The following ITSN2 variants were observed in gnomAD, a reference collection of about 807,000 sequenced individuals.
ITSN2 encodes the protein intersectin 2.
A neutral mutation model predicts 243.7 loss-of-function variants in ITSN2; 156 were observed. The observed-to-expected ratio is 0.64, with a 90% CI of 0.56 to 0.73. ITSN2 has a LOEUF of 0.73. ITSN2 is among the 30% of genes least tolerant of loss of function. The pLI, the probability that ITSN2 is intolerant of heterozygous loss-of-function variation, is 0.00. For missense variants in ITSN2, 1,801 were observed against 1,996.1 expected (o/e 0.90, Z 1.86); for synonymous variants, 703 against 699.9 (o/e 1.00, Z -0.07).
intron 18 of ITSN2, among the ~76,000 whole-genome samples, chr2:24,273,314 G>A (rs184688407): frequency 2.0e-5 from 3 of 152,138 alleles, no homozygotes; most frequent in South Asian, 2.1e-4. Context: ...CTTTCAAAAC[G>A]GACTTCTGGT....
Position 24,293,792 on chromosome 2 carries a change from A to G in ITSN2, c.1636-17T>C. 4.2e-6 allele frequency: 3 copies of G among 720,318 alleles called. No individual in the cohort carries two copies. The highest frequency in any genetic ancestry group is 7.0e-6 in the Non-Finnish European group (3 of 426,302). 44.6% of individuals were successfully genotyped at this position (720,318 alleles called of 1,614,324 possible). A position where few individuals can be genotyped will look rare whatever the true frequency, so the allele number is the denominator to read the frequency against. On this transcript the variant is annotated splice_polypyrimidine_tract_variant and intron_variant, in intron 14 of 39. Transcript: ENST00000355123. ...CTGATATTCCTTATAAAAAGAAAAA[A>G]TAGTACCTGATTACAATGTTATAAT... is the stretch of plus-strand genomic sequence containing the variant.
intron 29 of ITSN2, among the ~76,000 whole-genome samples, chr2:24,244,562 C>T (rs1181035193): frequency 2.0e-5 from 3 of 152,166 alleles, no homozygotes; most frequent in Non-Finnish European, 4.4e-5. Context: ...GATCACTAGC[C>T]AAAGATCTTC....
intron 37 of ITSN2, 60 bp downstream of exon 37, chr2:24,208,177 A>T: frequency 7.4e-7 from 1 of 1,345,394 alleles, no homozygotes; most frequent in Non-Finnish European, 1.1e-6. Flanking sequence ...CTGCAGGAGC[A>T]GTGGCCGGCA....
intron 15 of ITSN2, chr2:24,293,135 C>T (rs1247761196): frequency 6.6e-6 from 1 of 152,176 alleles, no homozygotes; most frequent in African/African-American, 2.4e-5. Flanking sequence ...AAAACAGTTA[C>T]TATCCCATAA....
At chr2:24,284,905 T>C in intron 16 of ITSN2, 62 bp from the exon 17 acceptor site, 1 of 967,776 alleles carries the variant, frequency 1.0e-6, no homozygotes. Flanking sequence ...TTTTTTTTTT[T>C]TTTTTTTTTT....
In ITSN2 at chr2:24,204,995, G is replaced by A. The variant is rs3731626; in HGVS notation, c.4762+219C>T. Among the ~76,000 whole-genome samples the A allele has an allele frequency of 0.21, 32,598 of 151,762 alleles. 3,874 individuals carry two copies. The highest frequency in any genetic ancestry group is 0.27 in the Non-Finnish European group (18,654 of 67,870). On this transcript the variant is annotated intron_variant, in intron 38 of 39. Transcript: ENST00000355123. The surrounding 1 kb of genome is among the most constrained non-coding windows in gnomAD (Gnocchi z 5.1). ...AACCCTGTGTCTACTAAAAATACAA[G>A]AATTTGCCAGGCGTGGTGGTGCACA...
Position 24,334,613 on chromosome 2 carries a change from T to G in ITSN2, c.-33-6498A>C, listed in dbSNP as rs887934752. On this transcript the variant is annotated intron_variant, in intron 1 of 39. Transcript: ENST00000355123. ...ACAAGAAGGGCAAGAATTCTCTGTATGCCCAGGGAAAGTGGTGTTATACAG... is the reference window on the plus strand; with the variant it reads ...ACAAGAAGGGCAAGAATTCTCTGTAGGCCCAGGGAAAGTGGTGTTATACAG... 5 of 1,135,174 alleles carry G rather than the reference T, an allele frequency of 4.4e-6. No homozygotes were observed. In the African/African-American group the frequency reaches 7.6e-5, roughly 17 times the overall value. The allele number at this position is 1,135,174 out of a possible 1,614,324, so 70.3% of individuals were successfully genotyped here.
intron 29 of ITSN2, among the ~76,000 whole-genome samples, chr2:24,238,668 C>T (rs1366321673): frequency 1.3e-5 from 2 of 152,076 alleles, no homozygotes; most frequent in African/African-American, 4.8e-5. Context: ...TTATGTTTTC[C>T]TTACTTTTGT....
In ITSN2 at chr2:24,246,778, A is replaced by C. The variant is rs1473619432; in HGVS notation, c.3385+19T>G. 2 of 1,455,920 alleles carry C rather than the reference A, an allele frequency of 1.4e-6. No individual in the cohort carries two copies. The highest frequency in any genetic ancestry group is 1.9e-6 in the Non-Finnish European group (2 of 1,047,350). The allele number at this position is 1,455,920 out of a possible 1,614,324, so 90.2% of individuals were successfully genotyped here. Reference sequence around the variant, plus strand: ...ACAAACTCCTCTAAAATGAAATACAAATTAACCCACTTCCATACCAGGATG... The same window carrying C: ...ACAAACTCCTCTAAAATGAAATACACATTAACCCACTTCCATACCAGGATG... On this transcript the variant is annotated intron_variant, in intron 28 of 39. Coordinates refer to ENST00000355123, the MANE Select transcript of ITSN2 (RefSeq NM_006277.3).
At chr2:24,326,836 T>C (rs970544886) in intron 2 of ITSN2, among the ~76,000 whole-genome samples, 1 of 152,208 alleles carries the variant, frequency 6.6e-6, no homozygotes, top group African/African-American at 2.4e-5. Flanking sequence ...ACTTTAGATA[T>C]ACAACATGTA....
intron 1 of ITSN2, chr2:24,334,655 G>A (rs1686152327): frequency 6.9e-7 from 1 of 1,445,518 alleles, no homozygotes; most frequent in Non-Finnish European, 9.6e-7. Flanking sequence ...GAGTGGTTAT[G>A]GTGGGCAAAC....
intron 28 of ITSN2, 33 bp from the exon 29 acceptor site, chr2:24,246,353 C>G: frequency 2.3e-6 from 3 of 1,324,010 alleles, no homozygotes; most frequent in South Asian, 1.3e-5. Context: ...ACACATTAAA[C>G]AAATTAATTA....
chr2:24,208,226 C>T lies in ITSN2; in HGVS notation c.4678+11G>A, dbSNP rs1305971629. On this transcript the variant is annotated intron_variant, in intron 37 of 39. Coordinates refer to ENST00000355123, the MANE Select transcript of ITSN2 (RefSeq NM_006277.3). ...TGGGGGCTGCGTCCCACCCTCCGGGCACCCTGATACCTTGGTAAGCTTTCT... is the reference window on the plus strand; with the variant it reads ...TGGGGGCTGCGTCCCACCCTCCGGGTACCCTGATACCTTGGTAAGCTTTCT... 1 of 1,610,600 alleles carries T rather than the reference C, an allele frequency of 6.2e-7. No individual in the cohort carries two copies. Among genetic ancestry groups the T allele is most frequent in the African/African-American group, 1.3e-5 (1 of 74,776 alleles).
intron 1 of ITSN2, among the ~76,000 whole-genome samples, chr2:24,337,315 A>AATATATATATATATATACAT (rs1686505402): frequency 6.2e-5 from 2 of 32,020 alleles, no homozygotes; most frequent in South Asian, 2.7e-3. Flanking sequence ...GTATACACAA[A>AATATATATATATATATACAT]ATATATATAT....
intron 17 of ITSN2, among the ~76,000 whole-genome samples, chr2:24,283,632 G>C (rs1005031862): frequency 2.0e-5 from 3 of 152,194 alleles, no homozygotes; most frequent in East Asian, 1.9e-4. Flanking sequence ...TGACTGCTCT[G>C]ACAGTATAGA....
chr2:24,253,925 ACAACC>A (rs1357910977), intron 24 of ITSN2, among the ~76,000 whole-genome samples: 1 of 152,192 alleles, frequency 6.6e-6, no homozygotes, highest in Non-Finnish European at 1.5e-5. Context: ...TACTAATCAA[ACAACC>A]CAAAGGGATA....
intron 22 of ITSN2, 97 bp from the exon 23 acceptor site, chr2:24,258,190 C>G: frequency 3.5e-6 from 3 of 849,242 alleles, no homozygotes; most frequent in South Asian, 3.3e-5. Flanking sequence ...AACAGCAGAC[C>G]AGTTTTGTGT....
chr2:24,297,720 GA>G (rs1328278262), intron 13 of ITSN2, among the ~76,000 whole-genome samples: 1 of 152,086 alleles, frequency 6.6e-6, no homozygotes, highest in Non-Finnish European at 1.5e-5. Context: ...ATCTTACAGA[GA>G]CCAATCTGAA....
intron 14 of ITSN2, among the ~76,000 whole-genome samples, chr2:24,294,292 G>T (rs770139863): frequency 6.6e-6 from 1 of 152,192 alleles, no homozygotes; most frequent in Admixed American, 6.5e-5. Flanking sequence ...CAGGCGTGGT[G>T]GTGGGTGCCT....
Sources: gnomAD v4.1 joint callset for allele counts (sites outside exome capture counted in the v4.1 genomes callset) on GRCh38, gnomAD v4.1.1 for gene constraint, Gnocchi (gnomAD v3.1) non-coding constraint, MANE v1.5 for transcripts, NCBI Gene and HGNC (gene_info 2026-07-23, HGNC 2026-07-21) for gene names.